The following SAMD5 variants were observed in gnomAD, a reference collection of about 807,000 sequenced individuals.
SAMD5 encodes the protein sterile alpha motif domain containing 5.
SAMD5 carries 13 observed loss-of-function variants against 11.3 expected under a neutral mutation model. That is an observed-to-expected ratio of 1.15 (90% CI 0.75 to 1.83). The LOEUF (loss-of-function observed/expected upper bound fraction) is 1.83, where lower values mean the gene tolerates loss of function less well. SAMD5 is among the 40% of genes most tolerant of loss of function. The pLI is 0.00. For missense variants in SAMD5, 255 were observed against 239.1 expected, an observed-to-expected ratio of 1.07 and a Z score of -0.44; for synonymous variants, 129 against 111.3, an observed-to-expected ratio of 1.16 and a Z score of -1.00.
chr6:147,707,818 T>A (rs1249160670), intron 1 of SAMD5, among the ~76,000 whole-genome samples: 3 of 152,132 alleles, frequency 2.0e-5, no homozygotes, highest in African/African-American at 7.2e-5. Flanking sequence ...GGTGGAAAAG[T>A]ATTTTTCTGG....
chr6:147,603,088 G>A (rs117767824), intron 1 of SAMD5, among the ~76,000 whole-genome samples: 12 of 152,260 alleles, frequency 7.9e-5, no homozygotes, highest in Non-Finnish European at 1.6e-4. Flanking sequence ...AAATTGAAAA[G>A]ATAAGACTAC....
At chr6:147,785,463 A>G in the SAMD5 span, among the ~76,000 whole-genome samples, 4 of 152,046 alleles carry the variant, frequency 2.6e-5, no homozygotes. Flanking sequence ...AAACCCTCCT[A>G]GTTCTGTCTA....
the SAMD5 span, among the ~76,000 whole-genome samples, chr6:147,800,461 G>A: frequency 6.6e-6 from 1 of 152,120 alleles, no homozygotes; most frequent in African/African-American, 2.4e-5. Context: ...GAGAACCACT[G>A]CTCTCTTCAA....
intron 1 of SAMD5, among the ~76,000 whole-genome samples, chr6:147,542,254 C>T (rs755968275): frequency 1.1e-4 from 17 of 152,312 alleles, no homozygotes; most frequent in Admixed American, 1.3e-4. Flanking sequence ...CTTGGGCTGG[C>T]TTCTGGATCC....
At chr6:147,831,916 C>G in the SAMD5 span, among the ~76,000 whole-genome samples, 1 of 152,012 alleles carries the variant, frequency 6.6e-6, no homozygotes, top group East Asian at 1.9e-4. Context: ...TTTCAAAGAA[C>G]TATGATTTTA....
intron 1 of SAMD5, among the ~76,000 whole-genome samples, chr6:147,695,130 G>A (rs1191707650): frequency 6.6e-6 from 1 of 152,114 alleles, no homozygotes; most frequent in Admixed American, 6.5e-5. Flanking sequence ...TATCTGTCCC[G>A]TGAAACAAAT....
the SAMD5 span, among the ~76,000 whole-genome samples, chr6:147,792,009 C>A: frequency 6.6e-6 from 1 of 152,122 alleles, no homozygotes; most frequent in Admixed American, 6.6e-5. Flanking sequence ...ATATGACATG[C>A]ATTTGTGAAA....
chr6:147,654,280 G>A (rs1360573328), intron 1 of SAMD5, among the ~76,000 whole-genome samples: 1 of 152,090 alleles, frequency 6.6e-6, no homozygotes, highest in Non-Finnish European at 1.5e-5. Flanking sequence ...CTTGAAGATG[G>A]AGAGACCAGT....
the SAMD5 span, among the ~76,000 whole-genome samples, chr6:147,854,405 A>G: frequency 6.6e-6 from 1 of 152,188 alleles, no homozygotes; most frequent in African/African-American, 2.4e-5. Context: ...AGAAGCAAAT[A>G]TGGCCTGAGC....
chr6:147,654,924 A>T (rs1441573599), intron 1 of SAMD5, among the ~76,000 whole-genome samples: 2 of 152,168 alleles, frequency 1.3e-5, no homozygotes, highest in African/African-American at 4.8e-5. Context: ...GGTGGCAGGC[A>T]CGTCTGGGGT....
chr6:147,847,645 G>C, the SAMD5 span, among the ~76,000 whole-genome samples: 3 of 152,244 alleles, frequency 2.0e-5, no homozygotes, highest in East Asian at 5.8e-4. Flanking sequence ...TTGAGGTCAG[G>C]AGTTCGAGAC....
At chr6:147,561,951 A>G (rs1276332183) in intron 1 of SAMD5, among the ~76,000 whole-genome samples, 2 of 152,150 alleles carry the variant, frequency 1.3e-5, no homozygotes, top group Non-Finnish European at 2.9e-5. Context: ...GAAACTCTCC[A>G]TGACCCATTG....
chr6:147,729,545 A>G (rs747985393), intron 1 of SAMD5, among the ~76,000 whole-genome samples: 1 of 151,764 alleles, frequency 6.6e-6, no homozygotes, highest in Non-Finnish European at 1.5e-5. Context: ...ACAAGAAACA[A>G]AGAACAACAA....
At chr6:147,785,914 G>A in the SAMD5 span, among the ~76,000 whole-genome samples, 12 of 152,064 alleles carry the variant, frequency 7.9e-5, no homozygotes, top group East Asian at 1.9e-4. Flanking sequence ...TACAACAATC[G>A]CTTCTTGAAT....
the SAMD5 span, among the ~76,000 whole-genome samples, chr6:147,886,520 G>T: frequency 6.6e-6 from 1 of 152,074 alleles, no homozygotes. Flanking sequence ...TCCCCCTTGA[G>T]TGTGGGTGGG....
chr6:147,691,982 C>CAA (rs1487382710), intron 1 of SAMD5, among the ~76,000 whole-genome samples: 2 of 151,874 alleles, frequency 1.3e-5, no homozygotes, highest in African/African-American at 4.8e-5. Context: ...GTGACACACA[C>CAA]ACACACACAC....
At chr6:147,607,545 T>C (rs1213862976) in intron 1 of SAMD5, among the ~76,000 whole-genome samples, 1 of 152,128 alleles carries the variant, frequency 6.6e-6, no homozygotes, top group Non-Finnish European at 1.5e-5. Context: ...AGTGAACCCA[T>C]TTTTGATAAA....
chr6:147,543,371 G>C (rs1198479770), intron 1 of SAMD5, among the ~76,000 whole-genome samples: 1 of 152,208 alleles, frequency 6.6e-6, no homozygotes, highest in Non-Finnish European at 1.5e-5. Flanking sequence ...TCTAATGAGA[G>C]TGAGGGCAGA....
the SAMD5 span, among the ~76,000 whole-genome samples, chr6:147,764,910 C>T: frequency 7.7e-4 from 117 of 152,180 alleles, no homozygotes; most frequent in African/African-American, 2.7e-3. Context: ...TTTGTATGCA[C>T]GGTGGTTTGA....
Sources: gnomAD v4.1 joint callset for allele counts (sites outside exome capture counted in the v4.1 genomes callset) on GRCh38, gnomAD v4.1.1 for gene constraint, MANE v1.5 for transcripts, NCBI Gene and HGNC (gene_info 2026-07-23, HGNC 2026-07-21) for gene names.